Variants in PROM1 observed in about 807,000 individuals in gnomAD.
PROM1 encodes prominin-1.
Under a neutral mutation model 116.9 loss-of-function variants are expected in PROM1, and 105 were observed. The observed-to-expected ratio is 0.90, with a 90% confidence interval of 0.77 to 1.06. The LOEUF is 1.06. Among genes scored for constraint, PROM1 ranks in the 50% least tolerant of loss-of-function variants. The probability of loss-of-function intolerance (pLI) is 0.00; values close to 1 mark genes in which losing one functional copy is unlikely to be tolerated. For synonymous variants in PROM1, 393 were observed against 387.0 expected (o/e 1.02, Z -0.18); for missense variants, 1,122 against 1,045.2 (o/e 1.07, Z -1.01).
At chr4:16,016,753 T>C (rs950772015) in intron 9 of PROM1, among the ~76,000 whole-genome samples, 1 of 152,122 alleles carries the variant, frequency 6.6e-6, no homozygotes, top group Non-Finnish European at 1.5e-5. Context: ...CCCTGGCAAA[T>C]ATGAGTAACT....
chr4:15,987,627 C>T (rs761767481), intron 20 of PROM1, 36 bp downstream of exon 20: 1 of 1,584,286 alleles, frequency 6.3e-7, no homozygotes, highest in South Asian at 1.2e-5. Flanking sequence ...TATTTTATAA[C>T]AAAACCCCAT....
intron 13 of PROM1, 53 bp from the exon 14 acceptor site, chr4:16,000,672 T>C (rs890858671): frequency 7.2e-7 from 1 of 1,389,862 alleles, no homozygotes; most frequent in Non-Finnish European, 9.8e-7. Flanking sequence ...CAATATTACC[T>C]ACTGATACTT....
At position 15,969,275 on chromosome 4, in the gene PROM1, G is replaced by A. The variant is rs1331455183; in HGVS notation, c.*118C>T. 1.3e-5 allele frequency: 2 copies of A among 152,186 alleles called. No homozygotes were observed. The highest frequency in any genetic ancestry group is 2.4e-5 in the African/African-American group (1 of 41,442). 9.4% of individuals were successfully genotyped at this position (152,186 alleles called of 1,614,324 possible). A position where few individuals can be genotyped will look rare whatever the true frequency, so the allele number is the denominator to read the frequency against. ...CCTTGGTGCCCGCCTGAGTCACTAC[G>A]TTGCCACTGGCGTTGCTCCTGGATT... is the stretch of plus-strand genomic sequence containing the variant. On this transcript the variant is annotated 3_prime_UTR_variant, in exon 28 of 28. Transcript: ENST00000447510.
chr4:15,980,137 T>A, intron 24 of PROM1: 1 of 574,332 alleles, frequency 1.7e-6, no homozygotes, highest in Non-Finnish European at 3.1e-6. Flanking sequence ...TATCATAAAG[T>A]GAAATGCCAG....
intron 8 of PROM1, 145 bp downstream of exon 8, chr4:16,023,181 T>C (rs1281926532): frequency 4.4e-6 from 3 of 678,378 alleles, no homozygotes; most frequent in African/African-American, 3.6e-5. Flanking sequence ...TGCAACACAG[T>C]GTCTTGACCT....
intron 13 of PROM1, among the ~76,000 whole-genome samples, chr4:16,004,832 T>TTTCTTCCTTCCTTCCTTCCTTC (rs1203366908): frequency 8.2e-6 from 1 of 122,506 alleles, no homozygotes; most frequent in African/African-American, 3.0e-5. Flanking sequence ...TCTTTCTTTT[T>TTTCTTCCTTCCTTCCTTCCTTC]CTTCCTTCCT....
At chr4:16,068,978 T>C (rs1383100732) in intron 2 of PROM1, among the ~76,000 whole-genome samples, 1 of 152,236 alleles carries the variant, frequency 6.6e-6, no homozygotes, top group Non-Finnish European at 1.5e-5. Flanking sequence ...CTCATGCCTG[T>C]AATCCTAGCA....
intron 13 of PROM1, among the ~76,000 whole-genome samples, chr4:16,005,507 TGTGTGTGTG>T (rs1725235981): frequency 1.1e-5 from 1 of 89,394 alleles, no homozygotes. Flanking sequence ...TGTGTGTGTG[TGTGTGTGTG>T]TGTGTGTGTG....
In PROM1 at chr4:15,985,987, G is replaced by A; in HGVS notation, c.2181C>T (p.Ile727=). Residue 727 remains isoleucine, a synonymous_variant, in exon 21 of 28, where the codon ATC becomes ATT. Coordinates refer to ENST00000447510, the MANE Select transcript of PROM1 (RefSeq NM_006017.3). ...LASLDFAQNF[I]TNNTSSVIIE... ...TAATAACAGAGGAAGTATTGTTTGT[G>A]ATGAAGTTCTGAGCAAAATCCAGAG... is the stretch of plus-strand genomic sequence containing the variant. The A allele has an allele frequency of 7.3e-7, 1 of 1,370,340 alleles. No homozygotes were observed. The highest frequency in any genetic ancestry group is 2.3e-5 in the Admixed American group (1 of 44,142). The allele number at this position is 1,370,340 out of a possible 1,614,324, so 84.9% of individuals were successfully genotyped here. A position where few individuals can be genotyped will look rare whatever the true frequency, so the allele number is the denominator to read the frequency against.
At chr4:16,049,094 C>G (rs1056680139) in intron 2 of PROM1, among the ~76,000 whole-genome samples, 1 of 152,182 alleles carries the variant, frequency 6.6e-6, no homozygotes, top group Non-Finnish European at 1.5e-5. Context: ...CCTGGAGAAT[C>G]CAGAGAGTGG....
chr4:16,024,164 G>T, intron 7 of PROM1, 131 bp downstream of exon 7: 3 of 776,788 alleles, frequency 3.9e-6, no homozygotes, highest in Non-Finnish European at 4.2e-6. Context: ...ATGACACATT[G>T]GCAATAAGGC....
chr4:15,992,354 T>C lies in PROM1; in HGVS notation c.1805A>G (p.Lys602Arg). 1.2e-6 allele frequency: 2 copies of C among 1,613,956 alleles called. No homozygotes were observed. The highest frequency in any genetic ancestry group is 1.7e-6 in the Non-Finnish European group (2 of 1,179,866). Residue 602 changes from lysine to arginine, a missense_variant, in exon 17 of 28, where the codon AAG (lysine) becomes AGG (arginine). Coordinates refer to ENST00000447510, the MANE Select transcript of PROM1 (RefSeq NM_006017.3). ...CAACAGAAAGATATTAAGATTTACC[T>C]TCAGACTTTCCAATTCACTGCTTAT... The part of the protein sequence containing the change: ...GSISSELESL[K>R]VNLNIFLLGA...
At chr4:16,013,705 C>A (rs1396946274) in intron 10 of PROM1, among the ~76,000 whole-genome samples, 1 of 152,078 alleles carries the variant, frequency 6.6e-6, no homozygotes, top group African/African-American at 2.4e-5. Context: ...AGTCTGGAGA[C>A]ATTTTGGTTA....
intron 13 of PROM1, among the ~76,000 whole-genome samples, chr4:16,004,638 AG>A (rs1224763741): frequency 6.6e-6 from 1 of 152,222 alleles, no homozygotes; most frequent in Non-Finnish European, 1.5e-5. Flanking sequence ...AAACATTAAA[AG>A]TAATGGCAAA....
At chr4:16,065,756 T>C (rs1741386126) in intron 2 of PROM1, among the ~76,000 whole-genome samples, 1 of 152,188 alleles carries the variant, frequency 6.6e-6, no homozygotes, top group Non-Finnish European at 1.5e-5. Context: ...ACAAAGTTAC[T>C]TGAAAAACTA....
intron 5 of PROM1, among the ~76,000 whole-genome samples, chr4:16,030,628 T>G (rs1732451439): frequency 6.6e-6 from 1 of 152,254 alleles, no homozygotes; most frequent in African/African-American, 2.4e-5. Context: ...TTTGTAGCTT[T>G]ATTGTTGATA....
At chr4:16,021,166 G>T (rs533865672) in intron 8 of PROM1, among the ~76,000 whole-genome samples, 23 of 145,348 alleles carry the variant, frequency 1.6e-4, no homozygotes, top group Non-Finnish European at 1.9e-4. Flanking sequence ...AACACCAGAG[G>T]CTAAATTTTA....
intron 26 of PROM1, among the ~76,000 whole-genome samples, chr4:15,975,766 A>G (rs1019776788): frequency 1.1e-4 from 16 of 152,244 alleles, no homozygotes; most frequent in African/African-American, 3.6e-4. Context: ...GACTGCCTGT[A>G]GACGGGCTGA....
intron 2 of PROM1, among the ~76,000 whole-genome samples, chr4:16,056,787 A>G (rs1384593463): frequency 6.6e-6 from 1 of 152,168 alleles, no homozygotes; most frequent in Non-Finnish European, 1.5e-5. Flanking sequence ...CGGCTGGCCT[A>G]GCTATTACAG....
Sources: gnomAD v4.1 joint callset for allele counts (sites outside exome capture counted in the v4.1 genomes callset) on GRCh38, gnomAD v4.1.1 for gene constraint, MANE v1.5 for transcripts, NCBI Gene and HGNC (gene_info 2026-07-23, HGNC 2026-07-21) for gene names.